LRMDA: variants seen among roughly 807,000 people sequenced by gnomAD.
LRMDA encodes the protein leucine rich melanocyte differentiation associated, also known as leucine-rich melanocyte differentiation-associated protein.
A neutral mutation model predicts 29.8 loss-of-function variants in LRMDA; 18 were observed. The ratio of observed to expected loss-of-function variants is 0.60; its 90% CI spans 0.42 to 0.90. The LOEUF (loss-of-function observed/expected upper bound fraction) is 0.90. LRMDA is among the 40% of genes least tolerant of loss of function. The pLI, the probability that LRMDA is intolerant of heterozygous loss-of-function variation, is 0.00. For synonymous variants in LRMDA, 125 were observed against 109.4 expected (o/e 1.14, Z -0.89); for missense variants, 273 against 273.9 (o/e 1.00, Z 0.02).
chr10:76,445,042 G>T (rs558611626), intron 6 of LRMDA, among the ~76,000 whole-genome samples: 1 of 151,946 alleles, frequency 6.6e-6, no homozygotes, highest in South Asian at 2.1e-4. Context: ...ACAAAGCGCG[G>T]TGCAAAGCAC....
chr10:76,360,953 T>TA (rs751760657), intron 6 of LRMDA, among the ~76,000 whole-genome samples: 54 of 152,144 alleles, frequency 3.5e-4, no homozygotes, highest in Non-Finnish European at 6.2e-4. Flanking sequence ...GACAGCATGC[T>TA]AACATATTAA....
chr10:75,513,865 C>G (rs780309770), intron 2 of LRMDA, among the ~76,000 whole-genome samples: 3 of 152,168 alleles, frequency 2.0e-5, no homozygotes, highest in Non-Finnish European at 4.4e-5. Context: ...GTCCCATTTG[C>G]CATGTAAGGT....
intron 2 of LRMDA, among the ~76,000 whole-genome samples, chr10:75,761,296 A>C (rs776645043): frequency 6.6e-6 from 1 of 152,270 alleles, no homozygotes; most frequent in Admixed American, 6.5e-5. Flanking sequence ...GTCTATCAAC[A>C]GATGAATGGA....
At chr10:76,375,722 A>AT (rs1452285307) in intron 6 of LRMDA, among the ~76,000 whole-genome samples, 2 of 63,926 alleles carry the variant, frequency 3.1e-5, no homozygotes, top group South Asian at 3.8e-4. Context: ...TTCCATGCTG[A>AT]ATTTTTTTTT....
intron 3 of LRMDA, 131 bp downstream of exon 3, chr10:76,036,265 T>C: frequency 1.1e-6 from 1 of 941,742 alleles, no homozygotes; most frequent in Non-Finnish European, 1.5e-6. Context: ...GTATGTGAAA[T>C]ACAGTTCGTG....
intron 3 of LRMDA, among the ~76,000 whole-genome samples, chr10:76,037,345 A>T (rs1475891238): frequency 6.6e-6 from 1 of 152,268 alleles, no homozygotes; most frequent in Non-Finnish European, 1.5e-5. Context: ...AGTTAGAAAT[A>T]GAAAAGGAGA....
intron 2 of LRMDA, among the ~76,000 whole-genome samples, chr10:75,643,264 A>G (rs1841476625): frequency 6.6e-6 from 1 of 152,048 alleles, no homozygotes. Flanking sequence ...ATAAATAACT[A>G]AGGGATTGAA....
intron 2 of LRMDA, among the ~76,000 whole-genome samples, chr10:75,762,159 A>G (rs1297148704): frequency 6.6e-6 from 1 of 152,140 alleles, no homozygotes; most frequent in Non-Finnish European, 1.5e-5. Flanking sequence ...CCAAAGAAAG[A>G]GGCAGTTGTG....
chr10:76,105,729 G>A (rs1849470123), intron 5 of LRMDA, among the ~76,000 whole-genome samples: 1 of 152,112 alleles, frequency 6.6e-6, no homozygotes. Flanking sequence ...TCCGGAACTG[G>A]GAAGGAATAA....
intron 2 of LRMDA, among the ~76,000 whole-genome samples, chr10:75,541,795 G>A (rs1840020212): frequency 2.0e-5 from 3 of 152,018 alleles, no homozygotes; most frequent in Admixed American, 6.6e-5. Context: ...GTGCAGACTT[G>A]CTTTTGATGA....
intron 2 of LRMDA, among the ~76,000 whole-genome samples, chr10:75,697,850 T>TGTGTGTGTGTGTGTGCGCGCGC (rs10664076): frequency 3.3e-5 from 5 of 151,586 alleles, no homozygotes; most frequent in African/African-American, 7.3e-5. Context: ...TGTGTGTGTG[T>TGTGTGTGTGTGTGTGCGCGCGC]GCGTGTGTGT....
intron 6 of LRMDA, among the ~76,000 whole-genome samples, chr10:76,545,653 A>G (rs1004568376): frequency 4.8e-5 from 7 of 147,198 alleles, no homozygotes; most frequent in African/African-American, 1.5e-4. Flanking sequence ...TATTATTATT[A>G]TTATTATTAT....
At chr10:76,163,552 C>T (rs143202173) in intron 5 of LRMDA, among the ~76,000 whole-genome samples, 51 of 151,990 alleles carry the variant, frequency 3.4e-4, no homozygotes, top group East Asian at 2.3e-3. Flanking sequence ...TTACTGTGCA[C>T]GTGCATGTAG....
At chr10:75,542,034 A>G (rs562944445) in intron 2 of LRMDA, among the ~76,000 whole-genome samples, 62 of 152,242 alleles carry the variant, frequency 4.1e-4, no homozygotes, top group Non-Finnish European at 5.1e-4. Flanking sequence ...CCTTTTACCT[A>G]GAAGGAAATC....
intron 2 of LRMDA, among the ~76,000 whole-genome samples, chr10:76,009,471 G>A (rs1274104910): frequency 1.3e-5 from 2 of 152,200 alleles, no homozygotes; most frequent in Non-Finnish European, 2.9e-5. Context: ...TAAAAAAGAA[G>A]TGTTGGGATT....
chr10:76,399,154 T>A (rs1328941271), intron 6 of LRMDA, among the ~76,000 whole-genome samples: 1 of 152,206 alleles, frequency 6.6e-6, no homozygotes, highest in Non-Finnish European at 1.5e-5. Flanking sequence ...ATCCCAAGGT[T>A]TAATTTCTAA....
At chr10:76,318,671 T>C (rs1840730374) in intron 5 of LRMDA, 1 of 152,356 alleles carries the variant, frequency 6.6e-6, no homozygotes. Flanking sequence ...AGGATATGGC[T>C]GTTCCTGCTT....
chr10:76,487,294 AGTAGATGATTATATTATT>A (rs1225733951), intron 6 of LRMDA, among the ~76,000 whole-genome samples: 1 of 151,918 alleles, frequency 6.6e-6, no homozygotes, highest in Non-Finnish European at 1.5e-5. Flanking sequence ...TTAAGAGACC[AGTAGATGATTATATTATT>A]GTATGCGGAA....
chr10:76,028,039 T>C (rs528837546), intron 2 of LRMDA, among the ~76,000 whole-genome samples: 3 of 152,338 alleles, frequency 2.0e-5, no homozygotes, highest in Non-Finnish European at 2.9e-5. Flanking sequence ...AATAAATTAT[T>C]GGAATTGGAA....
Sources: gnomAD v4.1 joint callset for allele counts (sites outside exome capture counted in the v4.1 genomes callset) on GRCh38, gnomAD v4.1.1 for gene constraint, MANE v1.5 for transcripts, NCBI Gene and HGNC (gene_info 2026-07-23, HGNC 2026-07-21) for gene names.